Variants in ZFYVE28 observed in about 807,000 individuals in gnomAD.
The protein encoded by ZFYVE28 is zinc finger FYVE-type containing 28.
A neutral mutation model predicts 82.1 loss-of-function variants in ZFYVE28; 40 were observed. The ratio of observed to expected loss-of-function variants is 0.49; its 90% confidence interval spans 0.38 to 0.63. The LOEUF is 0.63. Among genes scored for constraint, ZFYVE28 ranks in the 30% least tolerant of loss-of-function variants. The pLI is 0.00. For synonymous variants in ZFYVE28, 612 were observed against 546.1 expected (o/e 1.12, Z -1.68); for missense variants, 1,321 against 1,242.1 (o/e 1.06, Z -0.96).
At chr4:2,376,450 A>G (rs1489007928) in intron 1 of ZFYVE28, among the ~76,000 whole-genome samples, 2 of 151,832 alleles carry the variant, frequency 1.3e-5, no homozygotes, top group Admixed American at 6.6e-5. Flanking sequence ...TTATGAAGAA[A>G]TACCTGAGAC....
chr4:2,385,369 C>T (rs112015264), intron 1 of ZFYVE28, among the ~76,000 whole-genome samples: 3,128 of 151,858 alleles, frequency 0.021, 115 homozygotes, highest in African/African-American at 0.067. Flanking sequence ...ACAGCCCCAG[C>T]GCTGAGAGAG....
At chr4:2,310,623 G>C (rs959722475) in intron 7 of ZFYVE28, among the ~76,000 whole-genome samples, 1 of 152,138 alleles carries the variant, frequency 6.6e-6, no homozygotes, top group African/African-American at 2.4e-5. Context: ...GGGCAACACA[G>C]TAAAACCCTG....
chr4:2,363,092 G>T (rs1726382701), intron 1 of ZFYVE28, among the ~76,000 whole-genome samples: 2 of 152,118 alleles, frequency 1.3e-5, no homozygotes, highest in Admixed American at 6.5e-5. Context: ...CCGAGACTCA[G>T]AAGACCCTGG....
At chr4:2,344,363 C>G (rs1163555069) in intron 2 of ZFYVE28, among the ~76,000 whole-genome samples, 7 of 152,314 alleles carry the variant, frequency 4.6e-5, no homozygotes, top group African/African-American at 1.7e-4. Flanking sequence ...AGCAGGAGCA[C>G]TCACAATTCA....
chr4:2,313,629 G>A (rs1158385039), intron 7 of ZFYVE28, among the ~76,000 whole-genome samples: 2 of 152,104 alleles, frequency 1.3e-5, no homozygotes, highest in Admixed American at 1.3e-4. Flanking sequence ...ACTTCGGGAG[G>A]CCGAGGTGAG....
At chr4:2,358,254 T>G (rs1218683295) in intron 1 of ZFYVE28, among the ~76,000 whole-genome samples, 1 of 152,194 alleles carries the variant, frequency 6.6e-6, no homozygotes, top group African/African-American at 2.4e-5. Flanking sequence ...CGTCCATGTA[T>G]CTGTGTGCAT....
rs968244357 is a variant in ZFYVE28, at chr4:2,340,642, C to T, written c.318+836G>A. On this transcript the variant is annotated intron_variant, in intron 3 of 12. Transcript: ENST00000290974. ...GCATGCATGCCCCTGCCAGGCCAGC[C>T]GGGCACAGAACACGCTCCATCTCAT... 3.9e-5 allele frequency among the ~76,000 whole-genome samples: 6 copies of T among 152,298 alleles called. No homozygotes were observed. The East Asian group carries it at 5.8e-4, about 15-fold the overall frequency.
chr4:2,329,470 A>T (rs551201269), intron 6 of ZFYVE28, among the ~76,000 whole-genome samples: 1 of 152,222 alleles, frequency 6.6e-6, no homozygotes, highest in Non-Finnish European at 1.5e-5. Context: ...ATGCTACAAC[A>T]TGGGGGAAAC....
intron 1 of ZFYVE28, among the ~76,000 whole-genome samples, chr4:2,400,650 G>A (rs754015435): frequency 7.9e-5 from 12 of 152,154 alleles, no homozygotes; most frequent in Non-Finnish European, 1.3e-4. Flanking sequence ...AAGGAGAGCC[G>A]AGTCCCAAAC....
At chr4:2,403,627 C>A (rs1194757610) in intron 1 of ZFYVE28, among the ~76,000 whole-genome samples, 1 of 152,180 alleles carries the variant, frequency 6.6e-6, no homozygotes, top group Non-Finnish European at 1.5e-5. Flanking sequence ...AGGCCCCTCT[C>A]AGCACTCACC....
At chr4:2,399,037 A>C (rs1730837664) in intron 1 of ZFYVE28, among the ~76,000 whole-genome samples, 1 of 135,138 alleles carries the variant, frequency 7.4e-6, no homozygotes, top group African/African-American at 2.9e-5. Flanking sequence ...AGGTGGGGTG[A>C]GATCCAGGGC....
chr4:2,399,403 T>C (rs1730927395), intron 1 of ZFYVE28, among the ~76,000 whole-genome samples: 1 of 152,068 alleles, frequency 6.6e-6, no homozygotes, highest in Non-Finnish European at 1.5e-5. Flanking sequence ...GTGACTTGCC[T>C]AGACTGTGAG....
chr4:2,280,005 T>A (rs760256971), intron 8 of ZFYVE28, among the ~76,000 whole-genome samples: 1 of 152,178 alleles, frequency 6.6e-6, no homozygotes, highest in Non-Finnish European at 1.5e-5. Flanking sequence ...TACCACAAAT[T>A]ACTGAGCTGT....
intron 7 of ZFYVE28, among the ~76,000 whole-genome samples, chr4:2,313,848 C>CAAA (rs397958081): frequency 0.019 from 1,519 of 80,698 alleles, 22 homozygotes; most frequent in Non-Finnish European, 0.03. Context: ...GACTCTGTCT[C>CAAA]AAAAAAAAAA....
chr4:2,400,572 G>A (rs1256028358), intron 1 of ZFYVE28, among the ~76,000 whole-genome samples: 1 of 151,996 alleles, frequency 6.6e-6, no homozygotes, highest in Non-Finnish European at 1.5e-5. Context: ...TATATAAAGG[G>A]GAGTTCATTA....
intron 4 of ZFYVE28, among the ~76,000 whole-genome samples, chr4:2,338,251 G>C (rs1722173919): frequency 2.0e-5 from 3 of 152,230 alleles, no homozygotes; most frequent in South Asian, 4.1e-4. Flanking sequence ...GTGAAGGCTT[G>C]TCCAACCCTT....
chr4:2,310,568 C>T (rs552870672), intron 7 of ZFYVE28, among the ~76,000 whole-genome samples: 9 of 152,158 alleles, frequency 5.9e-5, no homozygotes, highest in African/African-American at 1.9e-4. Flanking sequence ...TTTTGGGAGG[C>T]CAAGGCAGTC....
intron 8 of ZFYVE28, among the ~76,000 whole-genome samples, chr4:2,293,099 TAAAAAA>T (rs10711535): frequency 6.8e-6 from 1 of 146,510 alleles, no homozygotes; most frequent in Non-Finnish European, 1.5e-5. Context: ...TGTTCTTGAT[TAAAAAA>T]AAAAAAAACC....
In ZFYVE28 at chr4:2,360,005, A is replaced by G. The variant is rs1725887826; in HGVS notation, c.40-5932T>C. 2.0e-5 allele frequency among the ~76,000 whole-genome samples: 3 copies of G among 151,870 alleles called. No individual in the cohort carries two copies. In the South Asian group the frequency reaches 6.3e-4, roughly 32 times the overall value. ...GACCTGAGCCTCGGAGCCTTTACCCACCCCGGACAAGCGCACGGCGTCTAC... is the reference window on the plus strand; with the variant it reads ...GACCTGAGCCTCGGAGCCTTTACCCGCCCCGGACAAGCGCACGGCGTCTAC... On this transcript the variant is annotated intron_variant, in intron 1 of 12. Coordinates refer to ENST00000290974, the MANE Select transcript of ZFYVE28 (RefSeq NM_020972.3).
Sources: allele counts gnomAD v4.1 joint callset (sites outside exome capture counted in the v4.1 genomes callset), GRCh38; gene constraint gnomAD v4.1.1; transcripts MANE v1.5; gene names NCBI Gene and HGNC (gene_info 2026-07-23, HGNC 2026-07-21).